The following PTPRT variants were observed in gnomAD, a reference collection of about 807,000 sequenced individuals.
PTPRT encodes protein tyrosine phosphatase receptor type T, also known as receptor-type tyrosine-protein phosphatase T.
Under a neutral mutation model 176.8 loss-of-function variants are expected in PTPRT, and 56 were observed. The ratio of observed to expected loss-of-function variants is 0.32; its 90% confidence interval spans 0.26 to 0.40. The LOEUF (loss-of-function observed/expected upper bound fraction) is 0.40. PTPRT is among the 10% of genes least tolerant of loss of function. The pLI, the probability that PTPRT is intolerant of heterozygous loss-of-function variation, is 1.00. For missense variants in PTPRT, 1,540 were observed against 1,908.2 expected (o/e 0.81, Z 3.60); for synonymous variants, 783 against 739.0 (o/e 1.06, Z -0.96).
At chr20:42,377,315 C>T (rs1468684291) in intron 9 of PTPRT, among the ~76,000 whole-genome samples, 1 of 152,192 alleles carries the variant, frequency 6.6e-6, no homozygotes, top group Non-Finnish European at 1.5e-5. Flanking sequence ...GTCTAATGCT[C>T]CTCCAACAAG....
At chr20:42,951,228 T>C (rs1006452114) in intron 1 of PTPRT, among the ~76,000 whole-genome samples, 5 of 151,972 alleles carry the variant, frequency 3.3e-5, no homozygotes, top group Non-Finnish European at 5.9e-5. Context: ...GGTGGGTATA[T>C]GGATGGATGC....
At chr20:42,813,149 T>C (rs4812654) in intron 2 of PTPRT, among the ~76,000 whole-genome samples, 20,182 of 152,112 alleles carry the variant, frequency 0.13, 1,598 homozygotes, top group East Asian at 0.38. Flanking sequence ...TTTAATCCTA[T>C]TAATGCTATT....
At chr20:42,711,902 G>T (rs533959972) in intron 6 of PTPRT, among the ~76,000 whole-genome samples, 30 of 151,966 alleles carry the variant, frequency 2.0e-4, no homozygotes, top group South Asian at 4.2e-4. Context: ...GGCTACCACT[G>T]ATAGAACCAA....
intron 8 of PTPRT, among the ~76,000 whole-genome samples, chr20:42,470,689 C>T (rs762899499): frequency 1.2e-4 from 19 of 152,046 alleles, no homozygotes; most frequent in Non-Finnish European, 2.2e-4. Flanking sequence ...CAATCTGGGG[C>T]AATCAAGGAA....
In PTPRT at chr20:42,084,672, T is replaced by C; in HGVS notation, c.4136+10A>G. On this transcript the variant is annotated intron_variant, in intron 29 of 30. Transcript: ENST00000373187. ...CCCTATTGCCCTGGTGACACCTCCC[T>C]AGTACTCACAGGCAGTGGACCACAG... 1 of 1,471,878 alleles carries C rather than the reference T, an allele frequency of 6.8e-7. No individual in the cohort carries two copies. Among genetic ancestry groups the C allele is most frequent in the Admixed American group, 1.9e-5 (1 of 51,766 alleles). The allele number at this position is 1,471,878 out of a possible 1,614,324, so 91.2% of individuals were successfully genotyped here.
At chr20:42,315,540 T>A (rs1336018375) in intron 12 of PTPRT, among the ~76,000 whole-genome samples, 183 bp downstream of exon 12, 1 of 152,216 alleles carries the variant, frequency 6.6e-6, no homozygotes, top group Non-Finnish European at 1.5e-5. Flanking sequence ...AAAACAGCCA[T>A]AGACAGTATG....
At chr20:43,173,691 A>G (rs981327482) in intron 1 of PTPRT, among the ~76,000 whole-genome samples, 89 of 152,310 alleles carry the variant, frequency 5.8e-4, no homozygotes, top group African/African-American at 2.1e-3. Context: ...CTGGGTCCCC[A>G]GTGTGAAATC....
At chr20:42,819,106 C>G (rs929989628) in intron 2 of PTPRT, among the ~76,000 whole-genome samples, 1 of 152,178 alleles carries the variant, frequency 6.6e-6, no homozygotes, top group African/African-American at 2.4e-5. Context: ...TCATCAGATT[C>G]TCCAAGGTCA....
At chr20:42,633,611 C>A (rs2074461829) in intron 7 of PTPRT, among the ~76,000 whole-genome samples, 1 of 149,916 alleles carries the variant, frequency 6.7e-6, no homozygotes. Context: ...TGCAAAACCT[C>A]ATTGTCTTTA....
intron 7 of PTPRT, among the ~76,000 whole-genome samples, chr20:42,584,384 G>A (rs1188017256): frequency 6.6e-6 from 1 of 152,018 alleles, no homozygotes; most frequent in African/African-American, 2.4e-5. Context: ...TACCAAACAT[G>A]GTCCTCCCAC....
At chr20:42,101,123 G>C (rs1428924498) in intron 26 of PTPRT, among the ~76,000 whole-genome samples, 3 of 152,230 alleles carry the variant, frequency 2.0e-5, no homozygotes, top group Middle Eastern at 3.2e-3. Context: ...AGATGGGCTG[G>C]GGAGGGGAAG....
chr20:42,563,887 G>A (rs773644493), intron 7 of PTPRT, among the ~76,000 whole-genome samples: 1 of 152,060 alleles, frequency 6.6e-6, no homozygotes, highest in African/African-American at 2.4e-5. Flanking sequence ...TTTCTTTTTC[G>A]CTCGTGTCAC....
At chr20:42,284,357 G>T (rs2057192493) in intron 12 of PTPRT, among the ~76,000 whole-genome samples, 1 of 151,932 alleles carries the variant, frequency 6.6e-6, no homozygotes, top group Non-Finnish European at 1.5e-5. Flanking sequence ...CTATATTTTT[G>T]AAACCCAAGT....
At chr20:42,421,273 C>T (rs1165212625) in intron 9 of PTPRT, among the ~76,000 whole-genome samples, 2 of 69,214 alleles carry the variant, frequency 2.9e-5, no homozygotes, top group Admixed American at 1.9e-4. Flanking sequence ...CGCACACACA[C>T]ACACGCATGC....
intron 18 of PTPRT, among the ~76,000 whole-genome samples, chr20:42,140,754 C>T (rs753886816): frequency 5.3e-5 from 8 of 152,192 alleles, no homozygotes; most frequent in Non-Finnish European, 1.2e-4. Flanking sequence ...TATGTCCCCA[C>T]AGGACATGTC....
At chr20:42,505,884 A>G (rs2071835332) in intron 7 of PTPRT, among the ~76,000 whole-genome samples, 1 of 152,198 alleles carries the variant, frequency 6.6e-6, no homozygotes, top group Non-Finnish European at 1.5e-5. Context: ...GAATTGGATT[A>G]AAGCATATTT....
intron 7 of PTPRT, among the ~76,000 whole-genome samples, chr20:42,481,497 C>G (rs1300923046): frequency 3.3e-5 from 5 of 152,098 alleles, no homozygotes; most frequent in Non-Finnish European, 5.9e-5. Flanking sequence ...AGTCCACAGG[C>G]CCTTGATTTC....
At chr20:42,068,249 GAGGAA>G (rs1982162084), downstream of PTPRT, among the ~76,000 whole-genome samples, 1 of 152,192 alleles carries the variant, frequency 6.6e-6, no homozygotes, top group Non-Finnish European at 1.5e-5. Flanking sequence ...GAGCCTGTCT[GAGGAA>G]AGGCACCATG....
intron 19 of PTPRT, among the ~76,000 whole-genome samples, chr20:42,122,294 C>A (rs1426210177): frequency 6.6e-6 from 1 of 152,088 alleles, no homozygotes; most frequent in Non-Finnish European, 1.5e-5. Context: ...TATGTCTTTG[C>A]TATTGTTATT....
Sources: allele counts gnomAD v4.1 joint callset (sites outside exome capture counted in the v4.1 genomes callset), GRCh38; gene constraint gnomAD v4.1.1; transcripts MANE v1.5; gene names NCBI Gene and HGNC (gene_info 2026-07-23, HGNC 2026-07-21).